Variants in AGO2 observed in about 807,000 individuals in gnomAD.
AGO2 encodes the protein argonaute RISC catalytic component 2.
AGO2 carries 5 observed loss-of-function variants against 102.3 expected under a neutral mutation model. The ratio of observed to expected loss-of-function variants is 0.05; its 90% CI spans 0.03 to 0.10. AGO2 has a LOEUF of 0.10. AGO2 is among the 10% of genes least tolerant of loss of function. The pLI is 1.00. For missense variants in AGO2, 541 were observed against 1,183.7 expected, an observed-to-expected ratio of 0.46 and a Z score of 7.97; for synonymous variants, 449 against 473.1, an observed-to-expected ratio of 0.95 and a Z score of 0.66.
At chr8:140,628,162 T>TC (rs1310756689) in intron 1 of AGO2, among the ~76,000 whole-genome samples, 3 of 152,144 alleles carry the variant, frequency 2.0e-5, no homozygotes, top group Non-Finnish European at 2.9e-5. Flanking sequence ...TGATTCCTGC[T>TC]CCCCCGGCCG....
chr8:140,604,765 T>C, intron 1 of AGO2, among the ~76,000 whole-genome samples: 1 of 151,562 alleles, frequency 6.6e-6, no homozygotes, highest in Non-Finnish European at 1.5e-5. Context: ...AGGTGGAGCT[T>C]GCAGTGAGCC....
intron 18 of AGO2, 44 bp from the exon 19 acceptor site, chr8:140,532,196 A>C (rs1186737122): frequency 1.9e-5 from 30 of 1,552,234 alleles, no homozygotes; most frequent in Non-Finnish European, 2.7e-5. Context: ...TGCAGCCTTA[A>C]TGCACGATGA....
intron 1 of AGO2, among the ~76,000 whole-genome samples, chr8:140,587,084 A>G (rs2133017421): frequency 6.6e-6 from 1 of 152,270 alleles, no homozygotes; most frequent in African/African-American, 2.4e-5. Flanking sequence ...CGGGCCCCCA[A>G]GCAGAGTCCA....
intron 2 of AGO2, among the ~76,000 whole-genome samples, chr8:140,578,817 A>G (rs923580522): frequency 6.6e-6 from 1 of 152,244 alleles, no homozygotes; most frequent in Non-Finnish European, 1.5e-5. Flanking sequence ...AGCACCCCGC[A>G]CGGGGCCGGG....
At chr8:140,535,375 C>A in intron 17 of AGO2, 93 bp downstream of exon 17, 9 of 1,299,430 alleles carry the variant, frequency 6.9e-6, no homozygotes, top group African/African-American at 1.5e-5. Flanking sequence ...CACACCACAT[C>A]CCACGTGCCA....
chr8:140,616,659 C>A (rs2074146075), intron 1 of AGO2, among the ~76,000 whole-genome samples: 1 of 152,188 alleles, frequency 6.6e-6, no homozygotes, highest in South Asian at 2.1e-4. Context: ...GAGGAGCTGA[C>A]ACAGGGGCAG....
chr8:140,556,404 T>C, intron 8 of AGO2, 118 bp from the exon 9 acceptor site: 2 of 1,351,516 alleles, frequency 1.5e-6, no homozygotes, highest in Non-Finnish European at 2.0e-6. Context: ...GCCTCATCCC[T>C]GGGCTATGAA....
At chr8:140,573,328 C>T (rs1487791821) in intron 2 of AGO2, among the ~76,000 whole-genome samples, 1 of 151,698 alleles carries the variant, frequency 6.6e-6, no homozygotes, top group Non-Finnish European at 1.5e-5. Flanking sequence ...CGCCACCACA[C>T]TTGGCTAATT....
Position 140,559,510 on chromosome 8 carries a change from G to A in AGO2, c.675C>T (p.Tyr225=), listed in dbSNP as rs1179509881. Residue 225 remains tyrosine (Y), a synonymous_variant, in exon 6 of 19, where the codon TAC becomes TAT. Coordinates refer to ENST00000220592, the MANE Select transcript of AGO2 (RefSeq NM_012154.5). ...LNIDVSATAF[Y]KAQPVIEFVC... Reference sequence around the variant, plus strand: ...CAAACTCGATTACTGGCTGTGCCTTGTAAAACGCTGTTGCTGACACTGTAG... The same window carrying A: ...CAAACTCGATTACTGGCTGTGCCTTATAAAACGCTGTTGCTGACACTGTAG... 2 of 1,614,104 alleles carry A rather than the reference G, an allele frequency of 1.2e-6. No individual in the cohort carries two copies. The highest frequency in any genetic ancestry group is 1.3e-5 in the African/African-American group (1 of 74,942).
intron 1 of AGO2, among the ~76,000 whole-genome samples, chr8:140,610,249 C>A (rs111566059): frequency 6.6e-6 from 1 of 152,048 alleles, no homozygotes; most frequent in South Asian, 2.1e-4. Flanking sequence ...CAAAGACAGA[C>A]GGCAAAGACA....
intron 3 of AGO2, among the ~76,000 whole-genome samples, chr8:140,564,910 T>G (rs1167868495): frequency 7.8e-5 from 11 of 140,408 alleles, no homozygotes; most frequent in South Asian, 4.6e-4. Context: ...CCAAGGCGGG[T>G]GGATCACGAG....
At chr8:140,545,651 T>C (rs1438692174) in intron 13 of AGO2, among the ~76,000 whole-genome samples, 1 of 152,206 alleles carries the variant, frequency 6.6e-6, no homozygotes, top group African/African-American at 2.4e-5. Context: ...CCCCGTCTAA[T>C]GATGACGGGG....
chr8:140,571,415 C>T (rs1419121391), intron 3 of AGO2, among the ~76,000 whole-genome samples: 1 of 152,232 alleles, frequency 6.6e-6, no homozygotes, highest in Non-Finnish European at 1.5e-5. Context: ...GGGAGGATCG[C>T]TTGAGCCTGG....
chr8:140,573,012 T>A (rs2073407613), intron 2 of AGO2, 80 bp from the exon 3 acceptor site: 4 of 766,420 alleles, frequency 5.2e-6, no homozygotes, highest in Non-Finnish European at 3.4e-6. Flanking sequence ...TGACGCTATT[T>A]TTTTTTTTTT....
chr8:140,638,493 G>A (rs1393709519), upstream of AGO2, among the ~76,000 whole-genome samples: 1 of 152,144 alleles, frequency 6.6e-6, no homozygotes, highest in Non-Finnish European at 1.5e-5. Flanking sequence ...CTTTTTTCAC[G>A]AGGTACCTCA....
At chr8:140,598,515 G>A (rs2073881797) in intron 1 of AGO2, among the ~76,000 whole-genome samples, 1 of 152,204 alleles carries the variant, frequency 6.6e-6, no homozygotes, top group Non-Finnish European at 1.5e-5. Flanking sequence ...CCATTTCCCT[G>A]TGCGTACAAG....
chr8:140,543,144 C>A (rs1257945066), intron 14 of AGO2, among the ~76,000 whole-genome samples: 11 of 149,528 alleles, frequency 7.4e-5, no homozygotes, highest in African/African-American at 2.5e-4. Flanking sequence ...CAAAACAAAA[C>A]AAAACAAAAC....
At chr8:140,622,197 C>T (rs1194757715) in intron 1 of AGO2, among the ~76,000 whole-genome samples, 3 of 152,190 alleles carry the variant, frequency 2.0e-5, no homozygotes, top group East Asian at 1.9e-4. Flanking sequence ...TCCAGTGAGA[C>T]GGAACGCAGA....
chr8:140,545,994 G>A (rs1027702958), intron 13 of AGO2, among the ~76,000 whole-genome samples: 6 of 152,180 alleles, frequency 3.9e-5, no homozygotes, highest in Non-Finnish European at 8.8e-5. Flanking sequence ...TGCACCTGCC[G>A]CCTGTACGAT....
Sources: allele counts gnomAD v4.1 joint callset (sites outside exome capture counted in the v4.1 genomes callset), GRCh38; gene constraint gnomAD v4.1.1; transcripts MANE v1.5; gene names NCBI Gene and HGNC (gene_info 2026-07-23, HGNC 2026-07-21).